CACNA2D3: variants seen among roughly 807,000 people sequenced by gnomAD.
CACNA2D3 encodes voltage-dependent calcium channel subunit alpha-2/delta-3.
In CACNA2D3, 60 loss-of-function variants were observed where a neutral mutation model predicts 160.6. The observed-to-expected ratio is 0.37, with a 90% confidence interval of 0.30 to 0.46. The LOEUF (loss-of-function observed/expected upper bound fraction) is 0.46. Among genes scored for constraint, CACNA2D3 ranks in the 20% least tolerant of loss-of-function variants. CACNA2D3 has a pLI of 1.00. For synonymous variants in CACNA2D3, 558 were observed against 492.9 expected, an observed-to-expected ratio of 1.13 and a Z score of -1.75; for missense variants, 1,205 against 1,365.0, an observed-to-expected ratio of 0.88 and a Z score of 1.85.
intron 27 of CACNA2D3, among the ~76,000 whole-genome samples, chr3:54,944,331 A>G (rs890732014): frequency 2.6e-5 from 4 of 151,924 alleles, no homozygotes; most frequent in African/African-American, 7.3e-5. Flanking sequence ...TCTTTTCCCA[A>G]CATATATCTT....
intron 3 of CACNA2D3, among the ~76,000 whole-genome samples, chr3:54,332,631 G>A (rs1704291098): frequency 6.9e-6 from 1 of 144,404 alleles, no homozygotes; most frequent in South Asian, 2.1e-4. Flanking sequence ...GGGATGAAGT[G>A]CTTATTTCTT....
intron 2 of CACNA2D3, among the ~76,000 whole-genome samples, chr3:54,268,001 A>G (rs1406155249): frequency 6.6e-6 from 1 of 152,210 alleles, no homozygotes; most frequent in Non-Finnish European, 1.5e-5. Flanking sequence ...GTTAGAATTG[A>G]TGAAAAAATA....
chr3:54,472,018 A>G (rs1367774335), intron 4 of CACNA2D3, among the ~76,000 whole-genome samples: 1 of 152,232 alleles, frequency 6.6e-6, no homozygotes, highest in Non-Finnish European at 1.5e-5. Flanking sequence ...AATGATAGAA[A>G]AAAAGGGACT....
In CACNA2D3 at chr3:55,018,242, C is replaced by G. The variant is rs1703370834; in HGVS notation, c.2912C>G (p.Thr971Ser). 6.2e-7 allele frequency: 1 copy of G among 1,613,146 alleles called. No homozygotes were observed. Among genetic ancestry groups the G allele is most frequent in the Non-Finnish European group, 8.5e-7 (1 of 1,179,368 alleles). ...KLKQTLEPCD[T>S]EYPAFVSERT... is the part of the protein sequence containing the mutation. The stretch of plus-strand genomic sequence containing the variant: ...AAACAGACCCTGGAGCCTTGTGATA[C>G]TGAATATCCAGCATTCGTCTCTGAG... Residue 971 changes from threonine to serine, a missense_variant, in exon 35 of 38, where the codon ACT becomes AGT. By Grantham distance (58) the Thr-to-Ser change is moderately conservative (BLOSUM62 1). Around this residue, in one of 3 missense-constraint regions of CACNA2D3, gnomAD observed 911 missense variants for 1,002.2 expected, o/e 0.91. Coordinates refer to ENST00000474759, the MANE Select transcript of CACNA2D3 (RefSeq NM_018398.3).
intron 31 of CACNA2D3, among the ~76,000 whole-genome samples, chr3:54,993,113 C>G (rs978290297): frequency 1.3e-5 from 2 of 152,206 alleles, no homozygotes; most frequent in African/African-American, 2.4e-5. Context: ...TCGGCCCCAC[C>G]TCCAGCATTG....
chr3:54,330,473 G>A (rs1704223463), intron 3 of CACNA2D3, among the ~76,000 whole-genome samples: 1 of 152,134 alleles, frequency 6.6e-6, no homozygotes, highest in Non-Finnish European at 1.5e-5. Flanking sequence ...CAATGAGCAG[G>A]AGTCTTCCTA....
At chr3:54,479,890 TTGAATC>T (rs1700904764) in intron 4 of CACNA2D3, among the ~76,000 whole-genome samples, 1 of 152,214 alleles carries the variant, frequency 6.6e-6, no homozygotes, top group Non-Finnish European at 1.5e-5. Flanking sequence ...ATACCATCTT[TTGAATC>T]TGGGAAATCC....
At chr3:54,347,389 T>C (rs1281931067) in intron 3 of CACNA2D3, among the ~76,000 whole-genome samples, 1 of 152,214 alleles carries the variant, frequency 6.6e-6, no homozygotes, top group Non-Finnish European at 1.5e-5. Flanking sequence ...AGGGGAGCTG[T>C]AATATGAAAT....
chr3:54,968,394 T>C, intron 27 of CACNA2D3, 56 bp from the exon 28 acceptor site: 1 of 1,173,252 alleles, frequency 8.5e-7, no homozygotes, highest in East Asian at 2.5e-5. Context: ...ACGATAATCT[T>C]AAATAATTGT....
Position 54,442,969 on chromosome 3 carries a change from T to G in CACNA2D3, c.381+56195T>G, listed in dbSNP as rs141993732. ...ACCATATAGTAGCCTCTTGGGAATT[T>G]ATGCCCCACATCTCCCTGGGTCTGC... is the stretch of plus-strand genomic sequence containing the variant. On this transcript the variant is annotated intron_variant, in intron 4 of 37. Coordinates refer to ENST00000474759, the MANE Select transcript of CACNA2D3 (RefSeq NM_018398.3). Among the ~76,000 whole-genome samples the G allele has an allele frequency of 1.2e-3, 186 of 152,308 alleles. 6 individuals carry two copies. In the East Asian group the frequency reaches 0.033, roughly 27 times the overall value.
intron 11 of CACNA2D3, among the ~76,000 whole-genome samples, chr3:54,749,013 C>T (rs952431951): frequency 6.6e-6 from 1 of 152,200 alleles, no homozygotes; most frequent in Non-Finnish European, 1.5e-5. Flanking sequence ...CACATGTCAT[C>T]TCTTTTTTGT....
chr3:54,426,101 A>G (rs560078592), intron 4 of CACNA2D3, among the ~76,000 whole-genome samples: 1 of 152,138 alleles, frequency 6.6e-6, no homozygotes, highest in Non-Finnish European at 1.5e-5. Flanking sequence ...AATTTTTCAG[A>G]TAGACGTCAT....
intron 2 of CACNA2D3, among the ~76,000 whole-genome samples, chr3:54,290,208 A>T (rs1428165463): frequency 6.6e-6 from 1 of 152,236 alleles, no homozygotes; most frequent in Admixed American, 6.5e-5. Flanking sequence ...AAACAAATTT[A>T]CAAGAAAAAA....
At chr3:55,057,698 A>G (rs559950010) in intron 35 of CACNA2D3, among the ~76,000 whole-genome samples, 15 of 152,346 alleles carry the variant, frequency 9.8e-5, no homozygotes, top group South Asian at 2.1e-4. Flanking sequence ...TGGGAGTTCA[A>G]TTCAAGTCCA....
chr3:54,439,480 C>A (rs1221862728), intron 4 of CACNA2D3, among the ~76,000 whole-genome samples: 2 of 152,164 alleles, frequency 1.3e-5, no homozygotes, highest in East Asian at 3.9e-4. Flanking sequence ...TTCCTGTCAG[C>A]CTCTTTGCAG....
chr3:54,920,417 G>C (rs1011728718), intron 27 of CACNA2D3, among the ~76,000 whole-genome samples: 7 of 152,138 alleles, frequency 4.6e-5, no homozygotes, highest in Non-Finnish European at 8.8e-5. Context: ...CCCACCACCA[G>C]AGTGTCTTGG....
chr3:54,707,010 C>G (rs1700867696), intron 11 of CACNA2D3, among the ~76,000 whole-genome samples: 1 of 152,164 alleles, frequency 6.6e-6, no homozygotes, highest in Non-Finnish European at 1.5e-5. Flanking sequence ...GCACTTCTGC[C>G]CAAGTTATTT....
intron 2 of CACNA2D3, among the ~76,000 whole-genome samples, chr3:54,292,722 T>C (rs1294677017): frequency 1.3e-5 from 2 of 152,226 alleles, no homozygotes; most frequent in East Asian, 3.8e-4. Context: ...CATATGTTGT[T>C]GGTGTGAATG....
At chr3:54,739,839 T>G (rs1398048602) in intron 11 of CACNA2D3, among the ~76,000 whole-genome samples, 2 of 151,626 alleles carry the variant, frequency 1.3e-5, no homozygotes, top group Non-Finnish European at 2.9e-5. Context: ...CTATTTACAT[T>G]TAGTTTTATA....
Sources: allele counts gnomAD v4.1 joint callset (sites outside exome capture counted in the v4.1 genomes callset), GRCh38; gene constraint gnomAD v4.1.1; regional missense constraint gnomAD v4.1.1; transcripts MANE v1.5; gene names NCBI Gene and HGNC (gene_info 2026-07-23, HGNC 2026-07-21).